The following RUFY3 variants were observed in gnomAD, a reference collection of about 807,000 sequenced individuals.
RUFY3 encodes RUN and FYVE domain containing 3.
Under a neutral mutation model 84.0 loss-of-function variants are expected in RUFY3, and 34 were observed. The ratio of observed to expected loss-of-function variants is 0.40; its 90% CI spans 0.31 to 0.54. The LOEUF is 0.54. Ranked by LOEUF, RUFY3 falls within the 20% of genes least tolerant of loss-of-function variation. RUFY3 has a pLI of 0.39. For missense variants in RUFY3, 507 were observed against 736.8 expected, an observed-to-expected ratio of 0.69 and a Z score of 3.61; for synonymous variants, 242 against 252.9, an observed-to-expected ratio of 0.96 and a Z score of 0.41.
chr4:70,793,719 G>A (rs774964963), intron 12 of RUFY3, 66 bp from the exon 13 acceptor site: 1 of 1,611,718 alleles, frequency 6.2e-7, no homozygotes. Flanking sequence ...TTTGTGTTGT[G>A]AACTTGGTCT....
In RUFY3 at chr4:70,722,012, C is replaced by A; in HGVS notation, c.-562C>A. ...TCAACACCCTGCTTACTGCGCACGG[C>A]CAATCCTATGAGAACTCAGCATCCC... On this transcript the variant is annotated 5_prime_UTR_variant, in exon 1 of 18. Transcript: ENST00000381006. 2 of 1,232,066 alleles carry A rather than the reference C, an allele frequency of 1.6e-6. No homozygotes were observed. Among genetic ancestry groups the A allele is most frequent in the African/African-American group, 1.6e-5 (1 of 64,420 alleles). The allele number at this position is 1,232,066 out of a possible 1,614,324, so 76.3% of individuals were successfully genotyped here. A position where few individuals can be genotyped will look rare whatever the true frequency, so the allele number is the denominator to read the frequency against.
At chr4:70,705,637 C>G (rs2148546157) in intron 1 of RUFY3, among the ~76,000 whole-genome samples, 1 of 152,306 alleles carries the variant, frequency 6.6e-6, no homozygotes, top group South Asian at 2.1e-4. Context: ...TGCCCCCCTC[C>G]ACCCGGGGCG....
At chr4:70,749,250 A>T (rs1722715449) in intron 1 of RUFY3, among the ~76,000 whole-genome samples, 1 of 152,192 alleles carries the variant, frequency 6.6e-6, no homozygotes, top group Non-Finnish European at 1.5e-5. Flanking sequence ...TCTTCTAGGT[A>T]TTCTTCTGCA....
At chr4:70,704,844 A>T in exon 1 of RUFY3, 1 of 796,468 alleles carries the variant, frequency 1.3e-6, no homozygotes, top group Non-Finnish European at 1.7e-6. Context: ...GGCGCAGCGG[A>T]CGGGACGGGG....
chr4:70,717,568 G>A (rs1213595068), upstream of RUFY3, among the ~76,000 whole-genome samples: 3 of 152,070 alleles, frequency 2.0e-5, no homozygotes, highest in Non-Finnish European at 4.4e-5. Flanking sequence ...GAAATTTCAT[G>A]AAGAGACTTT....
chr4:70,792,955 G>T (rs989942996), intron 12 of RUFY3: 1 of 985,254 alleles, frequency 1.0e-6, no homozygotes, highest in Non-Finnish European at 1.2e-6. Flanking sequence ...GCATTTGGAA[G>T]GAGTGATCAA....
At position 70,753,116 on chromosome 4, in the gene RUFY3, T is replaced by G. The variant is rs557950768; in HGVS notation, c.179-9403T>G. Among the ~76,000 whole-genome samples, 3 of 152,276 alleles carry G rather than the reference T, an allele frequency of 2.0e-5. No individual in the cohort carries two copies. The East Asian group carries it at 5.8e-4, about 29-fold the overall frequency. ...TTCAGATTTCCTATTTCTTCTTATG[T>G]CAGTTTTGGTAGTTTGTGTCTAAGA... is the stretch of plus-strand genomic sequence containing the variant. On this transcript the variant is annotated intron_variant, in intron 1 of 17. Transcript: ENST00000381006.
intron 10 of RUFY3, among the ~76,000 whole-genome samples, chr4:70,787,418 C>T (rs537651455): frequency 6.6e-6 from 1 of 151,280 alleles, no homozygotes; most frequent in Non-Finnish European, 1.5e-5. Context: ...CCACCACACC[C>T]AGCTAATTTT....
chr4:70,787,187 AATATATAT>A (rs1202870337), intron 10 of RUFY3, among the ~76,000 whole-genome samples: 211 of 81,466 alleles, frequency 2.6e-3, no homozygotes, highest in South Asian at 7.0e-3. Context: ...AAAAAAAAAA[AATATATAT>A]ATATATATAT....
At chr4:70,768,926 A>G (rs985628834) in intron 5 of RUFY3, among the ~76,000 whole-genome samples, 4 of 152,184 alleles carry the variant, frequency 2.6e-5, no homozygotes, top group African/African-American at 7.2e-5. Flanking sequence ...ACACATTTAC[A>G]TACACATACA....
chr4:70,766,395 C>T (rs559995656), intron 4 of RUFY3, among the ~76,000 whole-genome samples: 28 of 152,200 alleles, frequency 1.8e-4, no homozygotes, highest in Middle Eastern at 3.4e-3. Flanking sequence ...TAGGCATGCA[C>T]CACCACACCT....
intron 5 of RUFY3, among the ~76,000 whole-genome samples, chr4:70,772,000 G>A (rs1487837601): frequency 4.0e-5 from 6 of 151,746 alleles, no homozygotes; most frequent in Non-Finnish European, 8.8e-5. Flanking sequence ...AGATTGATGA[G>A]GAGGAGGAGG....
At chr4:70,716,845 C>CAAAAAAAAA (rs531822773) in intron 1 of RUFY3, among the ~76,000 whole-genome samples, 1 of 72,496 alleles carries the variant, frequency 1.4e-5, no homozygotes, top group African/African-American at 3.6e-5. Flanking sequence ...AACTCTGTCT[C>CAAAAAAAAA]AAAAAAAAAA....
chr4:70,796,691 G>A (rs919644721), intron 14 of RUFY3, among the ~76,000 whole-genome samples: 3 of 152,172 alleles, frequency 2.0e-5, no homozygotes, highest in Non-Finnish European at 4.4e-5. Flanking sequence ...ACAAATTGAT[G>A]TGGATAGTCT....
At chr4:70,769,259 G>A (rs770221434) in intron 5 of RUFY3, among the ~76,000 whole-genome samples, 5 of 152,194 alleles carry the variant, frequency 3.3e-5, no homozygotes, top group African/African-American at 9.6e-5. Context: ...TTGGGAAGTC[G>A]AGGCTATAGT....
chr4:70,708,616 G>A (rs1740615774), intron 1 of RUFY3, among the ~76,000 whole-genome samples: 1 of 152,150 alleles, frequency 6.6e-6, no homozygotes, highest in Admixed American at 6.6e-5. Context: ...AAATATTATA[G>A]CTTTGAAAGA....
chr4:70,788,129 CA>C (rs1156881977), intron 10 of RUFY3, among the ~76,000 whole-genome samples: 1 of 151,776 alleles, frequency 6.6e-6, no homozygotes, highest in African/African-American at 2.4e-5. Context: ...ACTAAACATA[CA>C]AAAAATTAGC....
In RUFY3 at chr4:70,801,613, T is replaced by C. The variant is rs114571663; in HGVS notation, c.1623-1343T>C. The stretch of plus-strand genomic sequence containing the variant: ...CTATACAGCTGTCCCTAGCCAGGCT[T>C]CGTCACCTTAAGAATGAGGTAGTGT... On this transcript the variant is annotated intron_variant, in intron 15 of 17. Transcript: ENST00000381006. Among the ~76,000 whole-genome samples, 248 of 152,306 alleles carry C rather than the reference T, an allele frequency of 1.6e-3. 2 individuals carry two copies. Among genetic ancestry groups the C allele is most frequent in the Non-Finnish European group, 2.6e-3 (180 of 68,014 alleles).
rs540250092 is a variant in RUFY3, at chr4:70,792,104, C to G, written c.1338-1681C>G. ...CTTAGGCAGTTCAGAGAGAACAATT[C>G]TAATAAAAACACTCCTCTCCTATTA... is the stretch of plus-strand genomic sequence containing the variant. On this transcript the variant is annotated intron_variant, in intron 12 of 17. Coordinates refer to ENST00000381006, the MANE Select transcript of RUFY3 (RefSeq NM_001037442.4). The G allele has an allele frequency of 9.1e-6, 9 of 985,642 alleles. No homozygotes were observed. In the African/African-American group the frequency reaches 1.6e-4, roughly 17 times the overall value. 61.1% of individuals were successfully genotyped at this position (985,642 alleles called of 1,614,324 possible). A position where few individuals can be genotyped will look rare whatever the true frequency, so the allele number is the denominator to read the frequency against.
Sources: allele counts gnomAD v4.1 joint callset (sites outside exome capture counted in the v4.1 genomes callset), GRCh38; gene constraint gnomAD v4.1.1; transcripts MANE v1.5; gene names NCBI Gene and HGNC (gene_info 2026-07-23, HGNC 2026-07-21).